ST6GALNAC3: variants seen among roughly 807,000 people sequenced by gnomAD.
The protein encoded by ST6GALNAC3 is ST6 N-acetylgalactosaminide alpha-2,6-sialyltransferase 3.
In ST6GALNAC3, 25 loss-of-function variants were observed where a neutral mutation model predicts 32.7. The observed-to-expected ratio is 0.76, with a 90% confidence interval of 0.56 to 1.07. ST6GALNAC3 has a LOEUF of 1.07. Ranked by LOEUF, ST6GALNAC3 falls within the 50% of genes least tolerant of loss-of-function variation. The pLI is 0.00. For synonymous variants in ST6GALNAC3, 129 were observed against 133.1 expected, an observed-to-expected ratio of 0.97 and a Z score of 0.21; for missense variants, 355 against 382.4, an observed-to-expected ratio of 0.93 and a Z score of 0.60.
chr1:76,486,261 T>C (rs909837320), intron 3 of ST6GALNAC3, among the ~76,000 whole-genome samples: 5 of 136,296 alleles, frequency 3.7e-5, no homozygotes, highest in African/African-American at 1.3e-4. Flanking sequence ...AGAGCTGAGT[T>C]CAATTCCTGG....
intron 3 of ST6GALNAC3, among the ~76,000 whole-genome samples, chr1:76,560,292 T>C (rs981054281): frequency 7.2e-5 from 11 of 152,064 alleles, no homozygotes; most frequent in Admixed American, 3.9e-4. Context: ...TTTATTGAGA[T>C]ACCCCAAAAG....
At chr1:76,250,656 G>GCT (rs147289045) in intron 1 of ST6GALNAC3, among the ~76,000 whole-genome samples, 4 of 150,862 alleles carry the variant, frequency 2.7e-5, no homozygotes, top group East Asian at 1.9e-4. Flanking sequence ...TATCTAACTG[G>GCT]CTCTCTCTCT....
At position 76,216,698 on chromosome 1, in the gene ST6GALNAC3, A is replaced by G. The variant is rs529399647; in HGVS notation, c.19-97107A>G. Reference sequence around the variant, plus strand: ...GGTCAGCAGTTTCATGCAACCATTGAGTGAAATCCAATGTGGAAAGGAAAT... The same window carrying G: ...GGTCAGCAGTTTCATGCAACCATTGGGTGAAATCCAATGTGGAAAGGAAAT... On this transcript the variant is annotated intron_variant, in intron 1 of 4. Transcript: ENST00000328299. 1.2e-4 allele frequency among the ~76,000 whole-genome samples: 18 copies of G among 152,364 alleles called. No homozygotes were observed. In the South Asian group the frequency reaches 3.5e-3, roughly 30 times the overall value.
intron 1 of ST6GALNAC3, among the ~76,000 whole-genome samples, chr1:76,232,301 G>T (rs1001278660): frequency 6.6e-6 from 1 of 152,174 alleles, no homozygotes; most frequent in Non-Finnish European, 1.5e-5. Context: ...TGGCCTCTGA[G>T]CTTATTTCTG....
chr1:76,129,764 A>T (rs540216243), intron 1 of ST6GALNAC3, among the ~76,000 whole-genome samples: 158 of 152,308 alleles, frequency 1.0e-3, no homozygotes, highest in Non-Finnish European at 1.4e-3. Context: ...CAGCATTCAC[A>T]TGCAGCACAG....
At chr1:76,358,861 G>A (rs1649703890) in intron 2 of ST6GALNAC3, among the ~76,000 whole-genome samples, 1 of 152,120 alleles carries the variant, frequency 6.6e-6, no homozygotes, top group Admixed American at 6.5e-5. Flanking sequence ...TGCGTCTTCT[G>A]TCTGGGATGC....
chr1:76,294,361 T>TA (rs141480427), intron 1 of ST6GALNAC3, among the ~76,000 whole-genome samples: 8,834 of 148,250 alleles, frequency 0.06, 830 homozygotes, highest in African/African-American at 0.2. Flanking sequence ...TATTTTTTAT[T>TA]AAAAAAAAAA....
intron 1 of ST6GALNAC3, among the ~76,000 whole-genome samples, chr1:76,245,672 T>C (rs1657217685): frequency 6.6e-6 from 1 of 152,218 alleles, no homozygotes; most frequent in African/African-American, 2.4e-5. Flanking sequence ...AATTTCTGCC[T>C]TAATTTTATT....
chr1:76,336,520 G>A (rs1243547613), intron 2 of ST6GALNAC3, among the ~76,000 whole-genome samples: 1 of 152,186 alleles, frequency 6.6e-6, no homozygotes, highest in African/African-American at 2.4e-5. Flanking sequence ...TCACAACACA[G>A]TCATATTCTT....
chr1:76,242,445 T>A (rs12732933), intron 1 of ST6GALNAC3, among the ~76,000 whole-genome samples: 2,617 of 152,052 alleles, frequency 0.017, 31 homozygotes, highest in Non-Finnish European at 0.026. Flanking sequence ...TCCTTTTTTT[T>A]AAAAAAATTT....
At chr1:76,268,628 A>C (rs958048369) in intron 1 of ST6GALNAC3, among the ~76,000 whole-genome samples, 1 of 152,230 alleles carries the variant, frequency 6.6e-6, no homozygotes, top group Non-Finnish European at 1.5e-5. Flanking sequence ...TTTCATTTCT[A>C]ACTAGCTTAG....
intron 1 of ST6GALNAC3, among the ~76,000 whole-genome samples, chr1:76,118,583 C>G (rs1423587342): frequency 6.6e-6 from 1 of 152,140 alleles, no homozygotes; most frequent in African/African-American, 2.4e-5. Flanking sequence ...ACTACACTGC[C>G]TATTTCAAGT....
intron 3 of ST6GALNAC3, among the ~76,000 whole-genome samples, chr1:76,479,185 T>TAAGGGAAAA (rs1319297537): frequency 6.6e-6 from 1 of 152,158 alleles, no homozygotes; most frequent in Non-Finnish European, 1.5e-5. Context: ...GAACTACATG[T>TAAGGGAAAA]ATCTTCACAG....
chr1:76,104,773 C>A (rs974192691), intron 1 of ST6GALNAC3, among the ~76,000 whole-genome samples: 1 of 152,136 alleles, frequency 6.6e-6, no homozygotes, highest in Non-Finnish European at 1.5e-5. Context: ...GTTTATTGGA[C>A]TTACAGTTCC....
chr1:76,236,079 G>A (rs1310470827), intron 1 of ST6GALNAC3, among the ~76,000 whole-genome samples: 1 of 151,936 alleles, frequency 6.6e-6, no homozygotes, highest in Non-Finnish European at 1.5e-5. Context: ...AGGCTGAAGC[G>A]ACTCTCTTGC....
At chr1:76,417,679 C>T (rs962441313) in intron 3 of ST6GALNAC3, among the ~76,000 whole-genome samples, 2 of 152,074 alleles carry the variant, frequency 1.3e-5, no homozygotes, top group African/African-American at 4.8e-5. Flanking sequence ...TAGAAATATG[C>T]TTGCAAATAT....
intron 1 of ST6GALNAC3, among the ~76,000 whole-genome samples, chr1:76,119,359 C>T (rs945668731): frequency 6.6e-6 from 1 of 152,196 alleles, no homozygotes; most frequent in Non-Finnish European, 1.5e-5. Context: ...TTGTTAAGTC[C>T]TTTAATGCTA....
intron 2 of ST6GALNAC3, among the ~76,000 whole-genome samples, chr1:76,363,118 A>C (rs1234396651): frequency 3.9e-5 from 6 of 152,188 alleles, no homozygotes; most frequent in Admixed American, 2.6e-4. Context: ...CAAATTTTCT[A>C]AACTTTTATG....
chr1:76,603,698 A>G (rs976915565), intron 3 of ST6GALNAC3, among the ~76,000 whole-genome samples: 2 of 152,152 alleles, frequency 1.3e-5, no homozygotes, highest in Non-Finnish European at 2.9e-5. Context: ...TTAGAGATGA[A>G]GTCTCACTCT....
Sources: gnomAD v4.1 joint callset for allele counts (sites outside exome capture counted in the v4.1 genomes callset) on GRCh38, gnomAD v4.1.1 for gene constraint, MANE v1.5 for transcripts, NCBI Gene and HGNC (gene_info 2026-07-23, HGNC 2026-07-21) for gene names.